The following NFIX variants were observed in gnomAD, a reference collection of about 807,000 sequenced individuals.
NFIX encodes the protein nuclear factor 1 X-type.
A neutral mutation model predicts 53.3 loss-of-function variants in NFIX; 2 were observed. The ratio of observed to expected loss-of-function variants is 0.04; its 90% CI spans 0.02 to 0.12. NFIX has a LOEUF of 0.12. NFIX is among the 10% of genes least tolerant of loss of function. The pLI, the probability that NFIX is intolerant of heterozygous loss-of-function variation, is 1.00. For missense variants in NFIX, 310 were observed against 674.5 expected, an observed-to-expected ratio of 0.46 and a Z score of 5.99; for synonymous variants, 244 against 289.0, an observed-to-expected ratio of 0.84 and a Z score of 1.58.
At chr19:13,076,875 T>G (rs1328957948) in intron 6 of NFIX, among the ~76,000 whole-genome samples, 1 of 152,100 alleles carries the variant, frequency 6.6e-6, no homozygotes, top group African/African-American at 2.4e-5. Context: ...GGCCTCAGGC[T>G]GAGGGAGTGG....
At chr19:13,063,165 T>C (rs564245061) in intron 2 of NFIX, among the ~76,000 whole-genome samples, 3 of 152,272 alleles carry the variant, frequency 2.0e-5, no homozygotes, top group African/African-American at 7.2e-5. Flanking sequence ...CTCAGGCAAA[T>C]AGGCAGAGAG....
At chr19:13,024,030 C>A (rs2013123384) in intron 1 of NFIX, 1 of 1,314,982 alleles carries the variant, frequency 7.6e-7, no homozygotes, top group Non-Finnish European at 9.9e-7. Context: ...TGCTTCAGAT[C>A]AATGGTAATT....
At chr19:13,053,329 C>A (rs62109901) in intron 2 of NFIX, among the ~76,000 whole-genome samples, 1 of 152,136 alleles carries the variant, frequency 6.6e-6, no homozygotes, top group Non-Finnish European at 1.5e-5. Context: ...GGCTGTAGCT[C>A]CCTCACAGGG....
chr19:13,026,740 C>CTGTG (rs1447456982), intron 2 of NFIX, among the ~76,000 whole-genome samples: 1 of 150,622 alleles, frequency 6.6e-6, no homozygotes, highest in African/African-American at 2.5e-5. Flanking sequence ...CTCTCTCTCT[C>CTGTG]TCTCTGTGTG....
chr19:13,087,875 G>A, intron 8 of NFIX, 114 bp from the exon 9 acceptor site: 1 of 1,268,148 alleles, frequency 7.9e-7, no homozygotes. Context: ...ACCCAATCCT[G>A]GATCTTCCAC....
In NFIX at chr19:13,023,468, T is replaced by C. The variant is rs1209741187; in HGVS notation, c.28-1553T>C. ...TCAGGCAGCTCGAAGTTTACACCCC[T>C]GTGCCGCTGCCAAAGCCGAAAGCCT... is the stretch of plus-strand genomic sequence containing the variant. On this transcript the variant is annotated intron_variant, in intron 1 of 10. Transcript: ENST00000592199. Among the ~76,000 whole-genome samples, 5 of 152,192 alleles carry C rather than the reference T, an allele frequency of 3.3e-5. No individual in the cohort carries two copies. In the South Asian group the frequency reaches 6.2e-4, roughly 19 times the overall value.
In NFIX at chr19:13,088,489, GTTTTTTT is replaced by G. The variant is rs888457720; in HGVS notation, c.1402+360_1402+366del. Among the ~76,000 whole-genome samples, 18 of 143,994 alleles carry G rather than the reference GTTTTTTT, an allele frequency of 1.3e-4. No individual in the cohort carries two copies. Among genetic ancestry groups the G allele is most frequent in the Admixed American group, 4.1e-4 (6 of 14,458 alleles). 94.5% of individuals were successfully genotyped at this position (143,994 alleles called of 152,430 possible). On this transcript the variant is annotated intron_variant, in intron 9 of 10. Coordinates refer to ENST00000592199, the MANE Select transcript of NFIX (RefSeq NM_001365902.3). The surrounding 1 kb of genome is among the most constrained non-coding windows in gnomAD (Gnocchi z 5.9). Reference sequence around the variant, plus strand: ...CATGCCATCTTCATGCCTGATTGCTGTTTTTTTTTTTTTGTTTTTTGTTTTTGTTTTT... The same window carrying G: ...CATGCCATCTTCATGCCTGATTGCTGTTTTTTGTTTTTTGTTTTTGTTTTT...
chr19:13,077,947 A>G (rs1447099762), intron 6 of NFIX, among the ~76,000 whole-genome samples: 1 of 152,154 alleles, frequency 6.6e-6, no homozygotes, highest in East Asian at 1.9e-4. Context: ...TATCCATCCT[A>G]TGGCAGCTGA....
At position 13,074,155 on chromosome 19, in the gene NFIX, C is replaced by T. The variant is rs144759710; in HGVS notation, c.818+129C>T. On this transcript the variant is annotated intron_variant, in intron 5 of 10. Coordinates refer to ENST00000592199, the MANE Select transcript of NFIX (RefSeq NM_001365902.3). ...AGAATGTCACCTCTCTCATTGAGGG[C>T]ACTGGCTCTAACACTTTAGAGTCCA... 20 of 1,228,420 alleles carry T rather than the reference C, an allele frequency of 1.6e-5. No individual in the cohort carries two copies. In the African/African-American group the frequency reaches 2.2e-4, roughly 14 times the overall value. 76.1% of individuals were successfully genotyped at this position (1,228,420 alleles called of 1,614,324 possible).
At position 13,009,984 on chromosome 19, in the gene NFIX, G is replaced by A. The variant is rs2012240181; in HGVS notation, c.27+14120G>A. ...GTGGAGTGGCCCACCTTGGGCCCGG[G>A]GGGGCCTCCAGGAGCCCCCTGGCCC... On this transcript the variant is annotated intron_variant, in intron 1 of 10. Coordinates refer to ENST00000592199, the MANE Select transcript of NFIX (RefSeq NM_001365902.3). This position sits in a 1 kb window ranked among gnomAD's most constrained non-coding sequence, Gnocchi z 4.7. 6.6e-6 allele frequency among the ~76,000 whole-genome samples: 1 copy of A among 152,158 alleles called. No individual in the cohort carries two copies. The highest frequency in any genetic ancestry group is 1.5e-5 in the Non-Finnish European group (1 of 68,000).
Position 13,011,358 on chromosome 19 carries a change from G to GC in NFIX, c.28-13657dup, listed in dbSNP as rs1345695481. On this transcript the variant is annotated intron_variant, in intron 1 of 10. Coordinates refer to ENST00000592199, the MANE Select transcript of NFIX (RefSeq NM_001365902.3). The surrounding 1 kb of genome is among the most constrained non-coding windows in gnomAD (Gnocchi z 6.5). Reference sequence around the variant, plus strand: ...ATTCGCCACAAAGAGGCCATTTAATGCCCCCCACCACCCCACCTCGGGAGA... The same window carrying GC: ...ATTCGCCACAAAGAGGCCATTTAATGCCCCCCCACCACCCCACCTCGGGAGA... 6.6e-6 allele frequency among the ~76,000 whole-genome samples: 1 copy of GC among 152,294 alleles called. No homozygotes were observed. The highest frequency in any genetic ancestry group is 1.9e-4 in the East Asian group (1 of 5,170).
chr19:13,007,179 T>TC (rs938361397), intron 1 of NFIX, among the ~76,000 whole-genome samples: 10 of 145,264 alleles, frequency 6.9e-5, no homozygotes, highest in South Asian at 6.6e-4. Context: ...CTCTTCCCCC[T>TC]CCCCCCCCAT....
In NFIX at chr19:12,998,832, A is replaced by C. The variant is rs984757341; in HGVS notation, c.27+2968A>C. On this transcript the variant is annotated intron_variant, in intron 1 of 10. Coordinates refer to ENST00000592199, the MANE Select transcript of NFIX (RefSeq NM_001365902.3). The surrounding 1 kb of genome is among the most constrained non-coding windows in gnomAD (Gnocchi z 4.4). ...GCACCTCTTGAAATGGGACACGTAT[A>C]TTGGTGTAGGCTTAGCGACACAGCA... is the stretch of plus-strand genomic sequence containing the variant. Among the ~76,000 whole-genome samples, 2 of 152,188 alleles carry C rather than the reference A, an allele frequency of 1.3e-5. No homozygotes were observed. The highest frequency in any genetic ancestry group is 2.4e-5 in the African/African-American group (1 of 41,432).
chr19:13,074,852 G>A (rs1337961564), intron 5 of NFIX, among the ~76,000 whole-genome samples: 2 of 151,744 alleles, frequency 1.3e-5, no homozygotes, highest in Non-Finnish European at 2.9e-5. Context: ...GGCGGATCAC[G>A]AGGTCAGGAG....
rs1393387067 is a variant in NFIX at position 13,098,299 on chromosome 19, C to T, written c.*3650C>T. 1.3e-5 allele frequency: 2 copies of T among 149,754 alleles called. No individual in the cohort carries two copies. The highest frequency in any genetic ancestry group is 2.5e-5 in the African/African-American group (1 of 40,700). 9.3% of individuals were successfully genotyped at this position (149,754 alleles called of 1,614,324 possible). On this transcript the variant is annotated 3_prime_UTR_variant, in exon 11 of 11. Coordinates refer to ENST00000592199, the MANE Select transcript of NFIX (RefSeq NM_001365902.3). ...CCACCCACCCTCGGGGCGCCCCCCTCCCCCCGCAAGCCAGCCTGGGCCAGC... is the reference window on the plus strand; with the variant it reads ...CCACCCACCCTCGGGGCGCCCCCCTTCCCCCGCAAGCCAGCCTGGGCCAGC...
rs897061068 is a variant in NFIX at position 13,093,125 on chromosome 19, A to T, written c.1495-1510A>T. Among the ~76,000 whole-genome samples, 14 of 152,304 alleles carry T rather than the reference A, an allele frequency of 9.2e-5. No homozygotes were observed. Among genetic ancestry groups the T allele is most frequent in the African/African-American group, 2.6e-4 (11 of 41,568 alleles). ...CTGTTTACATTTAAATTATTAACTAAAGAAAAATTTAGTTCCTCAGTTACA... is the reference window on the plus strand; with the variant it reads ...CTGTTTACATTTAAATTATTAACTATAGAAAAATTTAGTTCCTCAGTTACA... On this transcript the variant is annotated intron_variant, in intron 10 of 10. Transcript: ENST00000592199. The surrounding 1 kb of genome is among the most constrained non-coding windows in gnomAD (Gnocchi z 4.7).
At position 13,094,567 on chromosome 19, in the gene NFIX, C is replaced by A; in HGVS notation, c.1495-68C>A. On this transcript the variant is annotated intron_variant, in intron 10 of 10. Coordinates refer to ENST00000592199, the MANE Select transcript of NFIX (RefSeq NM_001365902.3). The surrounding 1 kb of genome is among the most constrained non-coding windows in gnomAD (Gnocchi z 4.3). ...ACCCTTGAGGGGCCAGGTCACTGGG[C>A]CAGGTAGGAGTGAGATGGGACCTGC... 1 of 1,505,150 alleles carries A rather than the reference C, an allele frequency of 6.6e-7. No homozygotes were observed. The highest frequency in any genetic ancestry group is 8.9e-7 in the Non-Finnish European group (1 of 1,120,620). 93.2% of individuals were successfully genotyped at this position (1,505,150 alleles called of 1,614,324 possible).
chr19:13,094,544 C>T lies in NFIX; in HGVS notation c.1495-91C>T. On this transcript the variant is annotated intron_variant, in intron 10 of 10. Coordinates refer to ENST00000592199, the MANE Select transcript of NFIX (RefSeq NM_001365902.3). The surrounding 1 kb of genome is among the most constrained non-coding windows in gnomAD (Gnocchi z 4.3). ...CACCCTGGCTCTTTGGGAGCTGGAC[C>T]CTTGAGGGGCCAGGTCACTGGGCCA... The T allele has an allele frequency of 7.3e-7, 1 of 1,378,850 alleles. No homozygotes were observed. The highest frequency in any genetic ancestry group is 1.3e-5 in the South Asian group (1 of 79,290). The allele number at this position is 1,378,850 out of a possible 1,614,324, so 85.4% of individuals were successfully genotyped here. A position where few individuals can be genotyped will look rare whatever the true frequency, so the allele number is the denominator to read the frequency against.
At position 13,090,475 on chromosome 19, in the gene NFIX, G is replaced by A. The variant is rs1000553293; in HGVS notation, c.1494+85G>A. The A allele has an allele frequency of 7.9e-7, 1 of 1,261,814 alleles. No homozygotes were observed. The highest frequency in any genetic ancestry group is 1.7e-5 in the Admixed American group (1 of 59,108). The allele number at this position is 1,261,814 out of a possible 1,614,324, so 78.2% of individuals were successfully genotyped here. On this transcript the variant is annotated intron_variant, in intron 10 of 10. Coordinates refer to ENST00000592199, the MANE Select transcript of NFIX (RefSeq NM_001365902.3). The surrounding 1 kb of genome is among the most constrained non-coding windows in gnomAD (Gnocchi z 6.6). ...GCATCTTGGTGTTAGGGAAGAGCCTGGAGTCCTTGGGGCTAACAGGGAGAG... is the reference window on the plus strand; with the variant it reads ...GCATCTTGGTGTTAGGGAAGAGCCTAGAGTCCTTGGGGCTAACAGGGAGAG...
Sources: allele counts gnomAD v4.1 joint callset (sites outside exome capture counted in the v4.1 genomes callset), GRCh38; gene constraint gnomAD v4.1.1; non-coding constraint Gnocchi (gnomAD v3.1); transcripts MANE v1.5; gene names NCBI Gene and HGNC (gene_info 2026-07-23, HGNC 2026-07-21).